The following NRXN3 variants were observed in gnomAD, a reference collection of about 807,000 sequenced individuals.
NRXN3 encodes the protein neurexin 3.
Under a neutral mutation model 137.6 loss-of-function variants are expected in NRXN3, and 32 were observed. The observed-to-expected ratio is 0.23, with a 90% CI of 0.18 to 0.31. The LOEUF (loss-of-function observed/expected upper bound fraction) is 0.31. Among genes scored for constraint, NRXN3 ranks in the 10% least tolerant of loss-of-function variants. The pLI is 1.00. For synonymous variants in NRXN3, 798 were observed against 784.5 expected (o/e 1.02, Z -0.29); for missense variants, 1,574 against 2,062.5 (o/e 0.76, Z 4.59).
chr14:78,883,922 G>A (rs1319142771), intron 10 of NRXN3, among the ~76,000 whole-genome samples: 1 of 152,166 alleles, frequency 6.6e-6, no homozygotes, highest in African/African-American at 2.4e-5. Context: ...TAGTTGGATA[G>A]ATTAGTTCTT....
At chr14:78,768,100 A>C (rs1368050166) in intron 8 of NRXN3, among the ~76,000 whole-genome samples, 2 of 151,458 alleles carry the variant, frequency 1.3e-5, no homozygotes, top group African/African-American at 4.9e-5. Context: ...AAAAGTACAG[A>C]TAGGTAACTA....
At chr14:79,722,563 C>A (rs757172446) in intron 19 of NRXN3, among the ~76,000 whole-genome samples, 2 of 152,050 alleles carry the variant, frequency 1.3e-5, no homozygotes, top group South Asian at 2.1e-4. Flanking sequence ...TTTGCCATTT[C>A]TTTGCCACTC....
intron 4 of NRXN3, among the ~76,000 whole-genome samples, chr14:78,436,541 A>T (rs1035938650): frequency 7.7e-4 from 117 of 152,332 alleles, no homozygotes; most frequent in African/African-American, 2.8e-3. Context: ...GTCCAGTGGA[A>T]ATTTCAGTGA....
At chr14:78,784,262 G>T (rs2098781308) in intron 8 of NRXN3, among the ~76,000 whole-genome samples, 1 of 152,136 alleles carries the variant, frequency 6.6e-6, no homozygotes, top group South Asian at 2.1e-4. Context: ...AATGAACAAG[G>T]AGCAGGTAAT....
At chr14:79,123,002 G>A (rs896748493) in intron 15 of NRXN3, among the ~76,000 whole-genome samples, 1 of 152,152 alleles carries the variant, frequency 6.6e-6, no homozygotes, top group African/African-American at 2.4e-5. Flanking sequence ...AATCTTTAGT[G>A]ATTAACTTCA....
At chr14:79,083,002 G>A (rs1329509514) in intron 15 of NRXN3, among the ~76,000 whole-genome samples, 28 of 152,132 alleles carry the variant, frequency 1.8e-4, no homozygotes, top group Admixed American at 1.4e-3. Flanking sequence ...ACGGGATGGC[G>A]GAAGAGACAT....
intron 16 of NRXN3, among the ~76,000 whole-genome samples, chr14:79,626,869 T>G (rs923718036): frequency 6.6e-5 from 10 of 152,132 alleles, no homozygotes; most frequent in African/African-American, 2.4e-4. Context: ...TAGAAATAAA[T>G]AAAGAAAGGG....
chr14:79,350,627 T>A (rs1435707285), intron 15 of NRXN3, among the ~76,000 whole-genome samples: 1 of 152,012 alleles, frequency 6.6e-6, no homozygotes, highest in Non-Finnish European at 1.5e-5. Flanking sequence ...TTTTCATAGG[T>A]TTTTTTTAGT....
At chr14:78,591,070 A>C (rs1351685346) in intron 4 of NRXN3, among the ~76,000 whole-genome samples, 8 of 152,158 alleles carry the variant, frequency 5.3e-5, no homozygotes, top group Non-Finnish European at 1.5e-5. Context: ...TAATTATCCC[A>C]TGCCTTGGTG....
chr14:79,796,049 A>G lies in NRXN3; in HGVS notation c.4015-9063A>G, dbSNP rs114491665. Among the ~76,000 whole-genome samples, 1,173 of 152,304 alleles carry G rather than the reference A, an allele frequency of 7.7e-3. 11 individuals carry two copies. Among genetic ancestry groups the G allele is most frequent in the African/African-American group, 0.027 (1,121 of 41,560 alleles). On this transcript the variant is annotated intron_variant, in intron 19 of 20. Transcript: ENST00000335750. ...CAAAATGAGTATTTGTGGTGAAAAC[A>G]AAAGAGCTGACAGTGGAAACACAGC... is the stretch of plus-strand genomic sequence containing the variant.
chr14:78,945,000 C>G (rs745345007), intron 10 of NRXN3, among the ~76,000 whole-genome samples: 2 of 152,170 alleles, frequency 1.3e-5, no homozygotes, highest in Non-Finnish European at 2.9e-5. Context: ...GATGCCTTAA[C>G]AGCTCTGAAC....
At chr14:79,418,829 T>A (rs1282934560) in intron 15 of NRXN3, among the ~76,000 whole-genome samples, 2 of 152,194 alleles carry the variant, frequency 1.3e-5, no homozygotes, top group Non-Finnish European at 2.9e-5. Context: ...ATTGGAGCAC[T>A]TGGCCAGGCA....
intron 6 of NRXN3, among the ~76,000 whole-genome samples, chr14:78,679,061 C>A (rs2098043600): frequency 6.6e-6 from 1 of 152,092 alleles, no homozygotes; most frequent in Non-Finnish European, 1.5e-5. Context: ...CACAACCAAA[C>A]CCTCAAAGCA....
intron 4 of NRXN3, among the ~76,000 whole-genome samples, chr14:78,628,665 C>A (rs2097490791): frequency 6.6e-6 from 1 of 152,128 alleles, no homozygotes; most frequent in Non-Finnish European, 1.5e-5. Flanking sequence ...ATAATGTTGG[C>A]CATAAAGGAT....
Position 79,043,079 on chromosome 14 carries a change from T to G in NRXN3, c.3262+54938T>G, listed in dbSNP as rs183438423. 3.2e-3 allele frequency among the ~76,000 whole-genome samples: 493 copies of G among 152,280 alleles called. 2 individuals carry two copies. Among genetic ancestry groups the G allele is most frequent in the Middle Eastern group, 6.8e-3 (2 of 294 alleles). Reference sequence around the variant, plus strand: ...AATCAGGAATTTGTTAGAATAATCCTGTGTTAAATCAAGCAGCCAGACAAT... The same window carrying G: ...AATCAGGAATTTGTTAGAATAATCCGGTGTTAAATCAAGCAGCCAGACAAT... On this transcript the variant is annotated intron_variant, in intron 15 of 20. Transcript: ENST00000335750.
chr14:79,186,669 G>T lies in NRXN3; in HGVS notation c.3262+198528G>T, dbSNP rs529370294. 2.0e-4 allele frequency among the ~76,000 whole-genome samples: 30 copies of T among 152,254 alleles called. No homozygotes were observed. In the South Asian group the frequency reaches 5.8e-3, roughly 29 times the overall value. On this transcript the variant is annotated intron_variant, in intron 15 of 20. Transcript: ENST00000335750. The stretch of plus-strand genomic sequence containing the variant: ...TAGTTACATTTTGTGATGTGAGGGT[G>T]TCAGCTTTTTCTCCAAGGATGACCT...
chr14:79,455,529 A>G (rs1377955463), intron 15 of NRXN3, among the ~76,000 whole-genome samples: 1 of 152,138 alleles, frequency 6.6e-6, no homozygotes, highest in African/African-American at 2.4e-5. Context: ...AATTATTAAA[A>G]CTTGAATCTC....
At chr14:78,333,702 A>G (rs1433475698) in intron 4 of NRXN3, among the ~76,000 whole-genome samples, 1 of 152,168 alleles carries the variant, frequency 6.6e-6, no homozygotes, top group African/African-American at 2.4e-5. Flanking sequence ...ATTAGGAATT[A>G]GAGTGGGAAG....
chr14:78,225,991 G>A (rs1291210676), intron 1 of NRXN3, among the ~76,000 whole-genome samples: 2 of 149,038 alleles, frequency 1.3e-5, no homozygotes, highest in African/African-American at 2.5e-5. Context: ...GTGTGTGTGT[G>A]TGTGTGTGTG....
Sources: gnomAD v4.1 joint callset for allele counts (sites outside exome capture counted in the v4.1 genomes callset) on GRCh38, gnomAD v4.1.1 for gene constraint, MANE v1.5 for transcripts, NCBI Gene and HGNC (gene_info 2026-07-23, HGNC 2026-07-21) for gene names.